MXRA5: variants seen among roughly 807,000 people sequenced by gnomAD.
MXRA5 encodes matrix remodeling associated 5, also known as matrix-remodeling-associated protein 5.
Under a neutral mutation model 112.5 loss-of-function variants are expected in MXRA5, and 41 were observed. That is an observed-to-expected ratio of 0.36 (90% CI 0.28 to 0.47). MXRA5 has a LOEUF of 0.47. MXRA5 is among the 20% of genes least tolerant of loss of function. The pLI is 0.99. For missense variants in MXRA5, 2,150 were observed against 2,251.0 expected (o/e 0.96, Z 0.91); for synonymous variants, 862 against 900.8 (o/e 0.96, Z 0.77).
rs1463766438 is a variant in MXRA5 at position 3,310,568 on chromosome X, G to A, written c.7635C>T (p.His2545=). The A allele has an allele frequency of 8.0e-6, 9 of 1,124,837 alleles. No homozygotes were observed. Among genetic ancestry groups the A allele is most frequent in the African/African-American group, 5.7e-5 (3 of 52,489 alleles). 92.7% of individuals were successfully genotyped at this position (1,124,837 alleles called of 1,213,427 possible). A position where few individuals can be genotyped will look rare whatever the true frequency, so the allele number is the denominator to read the frequency against. The stretch of plus-strand genomic sequence containing the variant: ...CCGTGATCTTCTCGCTGATCGGGTC[G>A]TGGAAGATGGGTTTCTCCATGGGCT... ...VLEPMEKPIF[H]DPISEKITAM... Residue 2545 remains histidine, a synonymous_variant, in exon 7 of 7, where the codon CAC becomes CAT. Coordinates refer to ENST00000217939, the MANE Select transcript of MXRA5 (RefSeq NM_015419.4).
chrX:3,344,001 T>C (rs1196312823), intron 1 of MXRA5, 140 bp from the exon 2 acceptor site: 14 of 474,423 alleles, frequency 3.0e-5, no homozygotes, highest in Non-Finnish European at 4.8e-5. Context: ...GCTTAAACCA[T>C]GGGAATTGAG....
chrX:3,311,378 G>A lies in MXRA5; in HGVS notation c.6825C>T (p.Ile2275=). The A allele has an allele frequency of 8.3e-7, 1 of 1,212,004 alleles. No individual in the cohort carries two copies. Among genetic ancestry groups the A allele is most frequent in the Non-Finnish European group, 1.1e-6 (1 of 895,588 alleles). Reference sequence around the variant, plus strand: ...GACTCCCGTCTGGGAGGCTCCAGGAGATCTCGGGATTGGGAAGCCCGGTGG... The same window carrying A: ...GACTCCCGTCTGGGAGGCTCCAGGAAATCTCGGGATTGGGAAGCCCGGTGG... ...CVATGLPNPE[I]SWSLPDGSLV... is the part of the protein sequence containing the mutation. The change falls in exon 7 of 7, where the codon ATC becomes ATT. Residue 2275 remains isoleucine, a synonymous_variant. Transcript: ENST00000217939.
At chrX:3,338,888 G>A (rs1362943101) in intron 2 of MXRA5, among the ~76,000 whole-genome samples, 1 of 109,702 alleles carries the variant, frequency 9.1e-6, no homozygotes, top group African/African-American at 3.3e-5. Flanking sequence ...TAGATTTGTT[G>A]ATTGATGATA....
Position 3,322,347 on chromosome X carries a change from G to T in MXRA5, c.3338C>A (p.Ala1113Glu), listed in dbSNP as rs376165336. 6 of 1,211,234 alleles carry T rather than the reference G, an allele frequency of 5.0e-6. No individual in the cohort carries two copies. The highest frequency in any genetic ancestry group is 3.5e-5 in the African/African-American group (2 of 57,584). ...TAGGAGGGTACCAACTGTGGTTTCC[G>T]CAGGCTTCTTAACTGGAGACATACT... is the stretch of plus-strand genomic sequence containing the variant. ...MSSMSPVKKP[A>E]ETTVGTLLDK... The change falls in exon 5 of 7, where the codon GCG (alanine) becomes GAG (glutamate). Residue 1113 changes from alanine to glutamate, a missense_variant. Physicochemically the swap from Ala to Glu is moderately radical, Grantham distance 107. Coordinates refer to ENST00000217939, the MANE Select transcript of MXRA5 (RefSeq NM_015419.4).
chrX:3,334,986 G>A (rs903722531), intron 2 of MXRA5, among the ~76,000 whole-genome samples: 1 of 111,147 alleles, frequency 9.0e-6, no homozygotes, highest in Non-Finnish European at 1.9e-5. Context: ...TTGGTCTCAA[G>A]ATCCTTGTGT....
rs1469203761 is a variant in MXRA5 at position 3,317,152 on chromosome X, G to A, written c.6529C>T (p.Arg2177Cys). ...TTGGACGGCAGCCTCCAGAGGATGC[G>A]CGGCCAGGGGTCCCCCGAGGCGCTG... ...DCSASGDPWPRILWRLPSKRM... is the reference protein window; with the variant it reads ...DCSASGDPWPCILWRLPSKRM... The change falls in exon 6 of 7, where the codon CGC becomes TGC. Residue 2177 changes from arginine to cysteine, a missense_variant. Physicochemically the swap from Arg to Cys is radical, Grantham distance 180. Coordinates refer to ENST00000217939, the MANE Select transcript of MXRA5 (RefSeq NM_015419.4). 1 of 1,198,940 alleles carries A rather than the reference G, an allele frequency of 8.3e-7. No homozygotes were observed. The highest frequency in any genetic ancestry group is 1.1e-6 in the Non-Finnish European group (1 of 889,264).
chrX:3,343,715 T>A lies in MXRA5; in HGVS notation c.119A>T (p.His40Leu), dbSNP rs1026113159. 19 of 1,209,897 alleles carry A rather than the reference T, an allele frequency of 1.6e-5. No homozygotes were observed. The highest frequency in any genetic ancestry group is 4.4e-5 in the Admixed American group (2 of 45,755). The change falls in exon 2 of 7, where the codon CAC (histidine) becomes CTC (leucine). Residue 40 changes from histidine to leucine, a missense_variant. Physicochemically the swap from His to Leu is moderately conservative, Grantham distance 99. Coordinates refer to ENST00000217939, the MANE Select transcript of MXRA5 (RefSeq NM_015419.4). ...GGAAGCCAGGGATCGGAACGTGCAGTGGACCTCGCTGGGGACGTAGCAGGC... is the reference window on the plus strand; with the variant it reads ...GGAAGCCAGGGATCGGAACGTGCAGAGGACCTCGCTGGGGACGTAGCAGGC... ...PCACYVPSEV[H>L]CTFRSLASVP...
chrX:3,333,387 A>G (rs1462554404), intron 2 of MXRA5, among the ~76,000 whole-genome samples: 2 of 109,157 alleles, frequency 1.8e-5, no homozygotes, highest in African/African-American at 6.7e-5. Flanking sequence ...ATAGGAAAAA[A>G]GAGGATAAAC....
chrX:3,344,907 G>C (rs1242234823), intron 1 of MXRA5, among the ~76,000 whole-genome samples: 1 of 111,024 alleles, frequency 9.0e-6, no homozygotes, highest in Admixed American at 9.6e-5. Flanking sequence ...GAGGTCAGGA[G>C]TTCGAGACCA....
At chrX:3,327,283 G>T (rs1921536306) in intron 4 of MXRA5, among the ~76,000 whole-genome samples, 1 of 111,520 alleles carries the variant, frequency 9.0e-6, no homozygotes, top group Non-Finnish European at 1.9e-5. Flanking sequence ...GGATTGTTTT[G>T]CACATCTCCC....
intron 1 of MXRA5, among the ~76,000 whole-genome samples, chrX:3,345,929 C>T (rs1190295403): frequency 8.9e-6 from 1 of 112,817 alleles, no homozygotes; most frequent in Non-Finnish European, 1.9e-5. Flanking sequence ...GATGACTGTC[C>T]CGGTTTTTTT....
At chrX:3,342,447 C>T (rs1226532424) in intron 2 of MXRA5, among the ~76,000 whole-genome samples, 6 of 111,912 alleles carry the variant, frequency 5.4e-5, no homozygotes, top group African/African-American at 1.3e-4. Flanking sequence ...GAAATGTGTC[C>T]GATAAATTAC....
At position 3,324,402 on chromosome X, in the gene MXRA5, T is replaced by C. The variant is rs755182075; in HGVS notation, c.1283A>G (p.Glu428Gly). ...YTGVRAQILA[E>G]PEWVMQPSID... ...GGATGGCTGCATGACCCATTCTGGT[T>C]CTGCAAGAATCTGGGCTCTCACACC... Residue 428 changes from glutamate to glycine, a missense_variant, in exon 5 of 7, where the codon GAA (glutamate) becomes GGA (glycine). Around this residue, in one of 6 missense-constraint regions of MXRA5, gnomAD observed 386 missense variants for 411.0 expected, o/e 0.94. Transcript: ENST00000217939. 3 of 1,211,445 alleles carry C rather than the reference T, an allele frequency of 2.5e-6. No homozygotes were observed. The Admixed American group carries it at 6.5e-5, about 26-fold the overall frequency.
At chrX:3,315,404 G>A (rs1406811942) in intron 6 of MXRA5, among the ~76,000 whole-genome samples, 6 of 43,826 alleles carry the variant, frequency 1.4e-4, no homozygotes, top group African/African-American at 3.0e-4. Context: ...TAGATAGATA[G>A]ATAGATAGAT....
In MXRA5 at chrX:3,323,986, C is replaced by T. The variant is rs912742644; in HGVS notation, c.1699G>A (p.Val567Ile). 8.3e-7 allele frequency: 1 copy of T among 1,202,359 alleles called. No individual in the cohort carries two copies. Among genetic ancestry groups the T allele is most frequent in the African/African-American group, 1.8e-5 (1 of 56,914 alleles). Residue 567 changes from valine (V) to isoleucine (I), a missense_variant, in exon 5 of 7, where the codon GTA becomes ATA. By Grantham distance (29) the Val-to-Ile change is conservative. This residue lies in a region of MXRA5 where 1,485 missense variants were observed against 1,471.6 expected (regional missense o/e 1.01). Coordinates refer to ENST00000217939, the MANE Select transcript of MXRA5 (RefSeq NM_015419.4). ...GGAGACTGCACAAGTACCCTATATACCATGCGGTCCATTTCATCCCTCACT... is the reference window on the plus strand; with the variant it reads ...GGAGACTGCACAAGTACCCTATATATCATGCGGTCCATTTCATCCCTCACT... ...AQVRDEMDRM[V>I]YRVLVQSPST...
At chrX:3,337,236 T>C (rs1921803078) in intron 2 of MXRA5, among the ~76,000 whole-genome samples, 1 of 111,773 alleles carries the variant, frequency 8.9e-6, no homozygotes, top group South Asian at 3.8e-4. Context: ...TCTCTGGTAT[T>C]TTGCTGTTGG....
intron 6 of MXRA5, among the ~76,000 whole-genome samples, chrX:3,313,724 G>A (rs781449049): frequency 1.3e-3 from 149 of 112,180 alleles, no homozygotes; most frequent in African/African-American, 4.7e-3. Flanking sequence ...GACATTAATG[G>A]AATGACCCAA....
In MXRA5 at chrX:3,310,929, C is replaced by G; in HGVS notation, c.7274G>C (p.Gly2425Ala). 1 of 1,211,643 alleles carries G rather than the reference C, an allele frequency of 8.3e-7. No homozygotes were observed. Among genetic ancestry groups the G allele is most frequent in the South Asian group, 1.8e-5 (1 of 56,963 alleles). ...AATCCACACCGTCTTCCTATCCTCT[C>G]CCGCGCTGTTCCTGACCAAGCAGGT... ...NYTCLVRNSA[G>A]EDRKTVWIHV... Residue 2425 changes from glycine (G) to alanine (A), a missense_variant, in exon 7 of 7, where the codon GGA becomes GCA. Transcript: ENST00000217939.
At chrX:3,326,809 G>A (rs1921523023) in intron 4 of MXRA5, among the ~76,000 whole-genome samples, 2 of 110,073 alleles carry the variant, frequency 1.8e-5, no homozygotes, top group South Asian at 7.8e-4. Context: ...CTTTCTGGTC[G>A]GCTTCAGCGT....
Sources: gnomAD v4.1 joint callset for allele counts (sites outside exome capture counted in the v4.1 genomes callset) on GRCh38, gnomAD v4.1.1 for gene constraint, gnomAD v4.1.1 regional missense constraint, MANE v1.5 for transcripts, NCBI Gene and HGNC (gene_info 2026-07-23, HGNC 2026-07-21) for gene names.